CWC22: variants seen among roughly 807,000 people sequenced by gnomAD.
CWC22 encodes the protein pre-mRNA-splicing factor CWC22 homolog.
CWC22 carries 53 observed loss-of-function variants against 117.2 expected under a neutral mutation model. The ratio of observed to expected loss-of-function variants is 0.45; its 90% CI spans 0.36 to 0.57. The LOEUF (loss-of-function observed/expected upper bound fraction) is 0.57. Among genes scored for constraint, CWC22 ranks in the 20% least tolerant of loss-of-function variants. CWC22 has a pLI of 0.00. For synonymous variants in CWC22, 360 were observed against 355.6 expected (o/e 1.01, Z -0.14); for missense variants, 980 against 1,068.8 (o/e 0.92, Z 1.16).
intron 16 of CWC22, among the ~76,000 whole-genome samples, chr2:179,953,812 G>A (rs1326076587): frequency 2.6e-5 from 4 of 152,034 alleles, no homozygotes; most frequent in African/African-American, 7.2e-5. Flanking sequence ...AGAGAACCAT[G>A]GAGAGTTATT....
chr2:179,950,775 T>C (rs1374987800), intron 18 of CWC22, 43 bp from the exon 19 acceptor site: 16 of 1,600,714 alleles, frequency 1.0e-5, no homozygotes, highest in Non-Finnish European at 1.4e-5. Context: ...TCAAAGACAA[T>C]TATGAGATAA....
At chr2:180,003,133 T>G (rs934625000) in intron 1 of CWC22, among the ~76,000 whole-genome samples, 1 of 152,200 alleles carries the variant, frequency 6.6e-6, no homozygotes, top group African/African-American at 2.4e-5. Context: ...GTCTCACCTA[T>G]TAACTCCTAC....
At chr2:179,950,376 C>T in intron 19 of CWC22, 136 bp downstream of exon 19, 1 of 602,980 alleles carries the variant, frequency 1.7e-6, no homozygotes, top group Admixed American at 3.0e-5. Context: ...ATAGATGGGA[C>T]CATTTGTATT....
intron 1 of CWC22, among the ~76,000 whole-genome samples, chr2:180,005,575 CAAACA>C (rs368034595): frequency 6.6e-6 from 1 of 151,678 alleles, no homozygotes; most frequent in Non-Finnish European, 1.5e-5. Context: ...GACTCCGTCT[CAAACA>C]AAACAAAACA....
intron 3 of CWC22, 32 bp downstream of exon 3, chr2:179,988,545 A>G (rs180671947): frequency 2.3e-5 from 26 of 1,127,080 alleles, no homozygotes; most frequent in Non-Finnish European, 3.3e-5. Flanking sequence ...ATAAAAATTT[A>G]CATTGCATTC....
chr2:179,948,514 T>G (rs1370379479), intron 19 of CWC22, among the ~76,000 whole-genome samples: 3 of 152,130 alleles, frequency 2.0e-5, no homozygotes, highest in Admixed American at 6.5e-5. Context: ...AAAAATAGTT[T>G]CCCTGAAGAC....
chr2:179,991,281 A>G (rs1280353988), intron 2 of CWC22, among the ~76,000 whole-genome samples: 1 of 152,184 alleles, frequency 6.6e-6, no homozygotes, highest in Non-Finnish European at 1.5e-5. Context: ...TAAGGAAGCT[A>G]CAGTGAGGTT....
chr2:179,966,601 G>A (rs1686895671), intron 11 of CWC22, among the ~76,000 whole-genome samples: 1 of 152,120 alleles, frequency 6.6e-6, no homozygotes, highest in Admixed American at 6.5e-5. Flanking sequence ...CACTGTATTA[G>A]ATGATCACTT....
chr2:179,990,855 G>A (rs1454313590), intron 2 of CWC22, among the ~76,000 whole-genome samples: 1 of 152,184 alleles, frequency 6.6e-6, no homozygotes, highest in East Asian at 1.9e-4. Context: ...AGGAGATCTT[G>A]AGTAGGAAAC....
chr2:180,000,205 G>C lies in CWC22; in HGVS notation c.-114+6662C>G, dbSNP rs374710994. The stretch of plus-strand genomic sequence containing the variant: ...TCATAAGGCCAAAAAATTATAATTT[G>C]ATGTCAGCATAGAATCACAATTTCA... On this transcript the variant is annotated intron_variant, in intron 1 of 19. Transcript: ENST00000410053. 2.0e-4 allele frequency among the ~76,000 whole-genome samples: 30 copies of C among 152,218 alleles called. No individual in the cohort carries two copies. In the East Asian group the frequency reaches 4.1e-3, roughly 21 times the overall value.
In CWC22 at chr2:179,954,234, G is replaced by T. The variant is rs1412741667; in HGVS notation, c.1660C>A (p.Leu554Ile). 6.2e-7 allele frequency: 1 copy of T among 1,611,732 alleles called. No individual in the cohort carries two copies. Among genetic ancestry groups the T allele is most frequent in the South Asian group, 1.1e-5 (1 of 90,938 alleles). ...CATGGAAGTGAATCAGTGTATAAAA[G>T]GTGAGCAAACATCTTAGCAACATTT... ...LRNVAKMFAH[L>I]LYTDSLPWSV... Residue 554 changes from leucine to isoleucine, a missense_variant, in exon 16 of 20, where the codon CTT becomes ATT. Physicochemically the swap from Leu to Ile is conservative, Grantham distance 5. Around this residue, in one of 3 missense-constraint regions of CWC22, gnomAD observed 115 missense variants for 169.8 expected, o/e 0.68. Coordinates refer to ENST00000410053, the MANE Select transcript of CWC22 (RefSeq NM_020943.3).
rs147682928 is a variant in CWC22, at chr2:179,961,903, T to C, written c.1397+2644A>G. ...CAGGTTTAACACAAATTAATAGCAA[T>C]TGAGGAGAGGGTAAAGAAAAAAGAA... On this transcript the variant is annotated intron_variant, in intron 13 of 19. Transcript: ENST00000410053. Among the ~76,000 whole-genome samples the C allele has an allele frequency of 1.2e-3, 184 of 152,118 alleles. 2 individuals carry two copies. Among genetic ancestry groups the C allele is most frequent in the African/African-American group, 3.8e-3 (158 of 41,562 alleles).
At chr2:179,976,022 A>C (rs965265667) in intron 6 of CWC22, among the ~76,000 whole-genome samples, 1 of 152,254 alleles carries the variant, frequency 6.6e-6, no homozygotes, top group Non-Finnish European at 1.5e-5. Flanking sequence ...AAGTTATAGT[A>C]ATCAAAACAG....
intron 1 of CWC22, among the ~76,000 whole-genome samples, chr2:180,004,528 G>C (rs1270521049): frequency 2.0e-5 from 3 of 152,148 alleles, no homozygotes; most frequent in African/African-American, 7.2e-5. Flanking sequence ...AGTAGCTGGG[G>C]CTACAAGCGC....
chr2:179,986,858 A>C (rs1575654684), intron 3 of CWC22, 53 bp from the exon 4 acceptor site: 1 of 984,736 alleles, frequency 1.0e-6, no homozygotes, highest in South Asian at 1.6e-5. Context: ...TATGTTATAA[A>C]TATTTAGGAA....
chr2:179,998,362 C>T lies in CWC22; in HGVS notation c.-113-4908G>A, dbSNP rs1162936631. On this transcript the variant is annotated intron_variant, in intron 1 of 19. Coordinates refer to ENST00000410053, the MANE Select transcript of CWC22 (RefSeq NM_020943.3). ...TGGCCACAATTTATAATCACTTATA[C>T]AATCTTCCTCAATCCTCATAATTAC... is the stretch of plus-strand genomic sequence containing the variant. Among the ~76,000 whole-genome samples, 6 of 152,092 alleles carry T rather than the reference C, an allele frequency of 3.9e-5. No individual in the cohort carries two copies. The East Asian group carries it at 9.7e-4, about 24-fold the overall frequency.
intron 2 of CWC22, 43 bp from the exon 3 acceptor site, chr2:179,988,687 T>A (rs925376300): frequency 9.4e-7 from 1 of 1,062,106 alleles, no homozygotes. Context: ...AAATTATTTA[T>A]GTTAATAACA....
At position 179,973,112 on chromosome 2, in the gene CWC22, T is replaced by C. The variant is rs555171834; in HGVS notation, c.804+81A>G. 8.2e-5 allele frequency: 62 copies of C among 757,532 alleles called. 3 individuals are homozygous for C. The South Asian group carries it at 1.3e-3, about 16-fold the overall frequency. 46.9% of individuals were successfully genotyped at this position (757,532 alleles called of 1,614,324 possible). ...CAAGGACTATAAAGCAAAGCAAAAA[T>C]AGAGAGGTATCAGTGAAGTGGCATC... On this transcript the variant is annotated intron_variant, in intron 8 of 19. Coordinates refer to ENST00000410053, the MANE Select transcript of CWC22 (RefSeq NM_020943.3).
At chr2:179,960,346 G>A (rs1402511613) in intron 13 of CWC22, among the ~76,000 whole-genome samples, 1 of 151,682 alleles carries the variant, frequency 6.6e-6, no homozygotes, top group African/African-American at 2.4e-5. Flanking sequence ...ACAATTAGTT[G>A]TTAAATAAAT....
Sources: allele counts gnomAD v4.1 joint callset (sites outside exome capture counted in the v4.1 genomes callset), GRCh38; gene constraint gnomAD v4.1.1; regional missense constraint gnomAD v4.1.1; transcripts MANE v1.5; gene names NCBI Gene and HGNC (gene_info 2026-07-23, HGNC 2026-07-21).